The following SLC45A1 variants were observed in gnomAD, a reference collection of about 807,000 sequenced individuals.
SLC45A1 encodes proton-associated sugar transporter A.
A neutral mutation model predicts 57.6 loss-of-function variants in SLC45A1; 28 were observed. That is an observed-to-expected ratio of 0.49 (90% confidence interval 0.36 to 0.67). SLC45A1 has a LOEUF of 0.67. Ranked by LOEUF, SLC45A1 falls within the 30% of genes least tolerant of loss-of-function variation. SLC45A1 has a pLI of 0.00. For missense variants in SLC45A1, 814 were observed against 1,041.5 expected, an observed-to-expected ratio of 0.78 and a Z score of 3.01; for synonymous variants, 459 against 471.5, an observed-to-expected ratio of 0.97 and a Z score of 0.34.
In SLC45A1 at chr1:8,337,956, ATG is replaced by A. The variant is rs760652759; in HGVS notation, c.1742_1743del (p.Cys581TyrfsTer78). 6.2e-7 allele frequency: 1 copy of A among 1,614,054 alleles called. No homozygotes were observed. Among genetic ancestry groups the A allele is most frequent in the African/African-American group, 1.3e-5 (1 of 74,930 alleles). ...CGGCGTGACCATGGGCTGCTGGGGCATGTGTATCTACGCCTTCAGTGCTGCCT... is the reference window on the plus strand; with the variant it reads ...CGGCGTGACCATGGGCTGCTGGGGCATGTATCTACGCCTTCAGTGCTGCCT... ...NSGVTMGCWG[M>X]CIYAFSAAFY... On this transcript the variant is annotated frameshift_variant, in exon 7 of 9. Coordinates refer to ENST00000471889, the MANE Select transcript of SLC45A1 (RefSeq NM_001080397.3). LOFTEE classifies it high-confidence loss of function.
chr1:8,319,002 C>G (rs1483051573), intron 1 of SLC45A1, among the ~76,000 whole-genome samples: 1 of 152,184 alleles, frequency 6.6e-6, no homozygotes, highest in Non-Finnish European at 1.5e-5. Context: ...CATGAGGGGT[C>G]GGGCGCGGTG....
chr1:8,337,661 G>A (rs1160986070), intron 6 of SLC45A1, among the ~76,000 whole-genome samples, 155 bp from the exon 7 acceptor site: 8 of 152,072 alleles, frequency 5.3e-5, no homozygotes, highest in African/African-American at 9.7e-5. Context: ...CCTGTGATCC[G>A]CCCGCCTCAG....
At chr1:8,329,606 C>T (rs993912147) in intron 4 of SLC45A1, among the ~76,000 whole-genome samples, 1 of 152,230 alleles carries the variant, frequency 6.6e-6, no homozygotes, top group Non-Finnish European at 1.5e-5. Flanking sequence ...CTGGGCTGGC[C>T]GGTGCCCCGA....
chr1:8,330,193 C>T lies in SLC45A1; in HGVS notation c.716-16C>T, dbSNP rs1640339441. On this transcript the variant is annotated splice_polypyrimidine_tract_variant and intron_variant, in intron 4 of 8. Transcript: ENST00000471889. This position sits in a 1 kb window ranked among gnomAD's most constrained non-coding sequence, Gnocchi z 8.4. ...CCTCCCGCAGAAGGGAACTCAAACCCTGTCTCTTTCCCCAGGTCTCGGAGG... is the reference window on the plus strand; with the variant it reads ...CCTCCCGCAGAAGGGAACTCAAACCTTGTCTCTTTCCCCAGGTCTCGGAGG... 6.2e-7 allele frequency: 1 copy of T among 1,608,960 alleles called. No homozygotes were observed. Among genetic ancestry groups the T allele is most frequent in the East Asian group, 2.2e-5 (1 of 44,790 alleles).
chr1:8,337,757 A>C, intron 6 of SLC45A1, 59 bp from the exon 7 acceptor site: 1 of 1,503,182 alleles, frequency 6.7e-7, no homozygotes, highest in South Asian at 1.2e-5. Flanking sequence ...TGTTGGTTAG[A>C]GAAAGGGCAG....
At chr1:8,338,096 C>A (rs758147937) in intron 7 of SLC45A1, 104 bp downstream of exon 7, 1 of 1,079,792 alleles carries the variant, frequency 9.3e-7, no homozygotes, top group Non-Finnish European at 1.3e-6. Context: ...GCAGACACCA[C>A]ATCCCAATTT....
chr1:8,322,304 A>G (rs61785827), intron 1 of SLC45A1, among the ~76,000 whole-genome samples: 26 of 28 alleles, frequency 0.93, 12 homozygotes, highest in Non-Finnish European at 0.94. Context: ...GGATGGATGG[A>G]TGGATGGATG....
In SLC45A1 at chr1:8,324,600, G is replaced by A. The variant is rs771438280; in HGVS notation, c.271G>A (p.Gly91Ser). The A allele has an allele frequency of 3.2e-5, 52 of 1,609,318 alleles. No individual in the cohort carries two copies. Among genetic ancestry groups the A allele is most frequent in the Non-Finnish European group, 3.6e-5 (42 of 1,178,706 alleles). ...QRSFRELLFN[G>S]CILFGIEFSY... ...GTCCTTCCGGGAGCTGCTTTTCAAC[G>A]GCTGCATTCTCTTTGGCATCGAGTT... Residue 91 changes from glycine to serine, a missense_variant, in exon 2 of 9, where the codon GGC (glycine) becomes AGC (serine). Physicochemically the swap from Gly to Ser is moderately conservative, Grantham distance 56 (BLOSUM62 0). Coordinates refer to ENST00000471889, the MANE Select transcript of SLC45A1 (RefSeq NM_001080397.3).
At chr1:8,320,473 T>C (rs940722813) in intron 1 of SLC45A1, among the ~76,000 whole-genome samples, 5 of 152,050 alleles carry the variant, frequency 3.3e-5, no homozygotes, top group African/African-American at 1.2e-4. Flanking sequence ...CGAAACCCCA[T>C]CTCTACAAAA....
At position 8,325,214 on chromosome 1, in the gene SLC45A1, G is replaced by C. The variant is rs1283191636; in HGVS notation, c.398-84G>C. ...ATGCACTGGGGGTGTTTGAGAGCAG[G>C]CACTTCAGGAATGTGGAGGCTGATT... On this transcript the variant is annotated intron_variant, in intron 2 of 8. Transcript: ENST00000471889. This position sits in a 1 kb window ranked among gnomAD's most constrained non-coding sequence, Gnocchi z 6.3. The C allele has an allele frequency of 1.3e-5, 11 of 824,864 alleles. No individual in the cohort carries two copies. The Middle Eastern group carries it at 9.1e-4, about 68-fold the overall frequency. The allele number at this position is 824,864 out of a possible 1,614,324, so 51.1% of individuals were successfully genotyped here.
In SLC45A1 at chr1:8,344,058, C is replaced by T. The variant is rs755012935; in HGVS notation, c.*45C>T. ...CGGACACGCGCCTGCACCTGGGGGT[C>T]TGGAGCAGGCCGACCAGTGAGGACC... On this transcript the variant is annotated 3_prime_UTR_variant, in exon 9 of 9. Coordinates refer to ENST00000471889, the MANE Select transcript of SLC45A1 (RefSeq NM_001080397.3). 4 of 1,559,570 alleles carry T rather than the reference C, an allele frequency of 2.6e-6. No homozygotes were observed. Among genetic ancestry groups the T allele is most frequent in the Non-Finnish European group, 3.5e-6 (4 of 1,151,002 alleles).
At chr1:8,322,198 A>G (rs975888511) in intron 1 of SLC45A1, among the ~76,000 whole-genome samples, 436 of 23,864 alleles carry the variant, frequency 0.018, no homozygotes, top group African/African-American at 0.022. Flanking sequence ...TGGATGGATG[A>G]GTGGGTGGAT....
intron 1 of SLC45A1, among the ~76,000 whole-genome samples, chr1:8,322,038 G>C (rs1347758475): frequency 8.2e-6 from 1 of 121,412 alleles, no homozygotes; most frequent in Non-Finnish European, 1.8e-5. Context: ...TGGGTGAGTG[G>C]GTGGGTGGGT....
intron 1 of SLC45A1, among the ~76,000 whole-genome samples, chr1:8,320,690 TCTACACAC>T (rs200044258): frequency 0.032 from 4,204 of 130,136 alleles, 70 homozygotes; most frequent in Non-Finnish European, 0.039. Context: ...TCTCTCTCTC[TCTACACAC>T]ACACACACAC....
In SLC45A1 at chr1:8,343,719, C is replaced by A. The variant is rs771593140; in HGVS notation, c.1981-28C>A. The A allele has an allele frequency of 1.3e-6, 2 of 1,592,294 alleles. No homozygotes were observed. The highest frequency in any genetic ancestry group is 1.7e-6 in the Non-Finnish European group (2 of 1,164,558). On this transcript the variant is annotated intron_variant, in intron 8 of 8. Transcript: ENST00000471889. The surrounding 1 kb of genome is among the most constrained non-coding windows in gnomAD (Gnocchi z 7.7). ...ACCCCGTGCTGGCCGCGGCGTGTCT[C>A]GCTGACACGTTTCTTCCTCTGGGTC...
At position 8,343,846 on chromosome 1, in the gene SLC45A1, G is replaced by C. The variant is rs145801852; in HGVS notation, c.2080G>C (p.Val694Leu). ...CCTGGCTCAGATTCTGGTCTCCCTG[G>C]TCCTGGGGCCCCTGACCTCGGCCGT... is the stretch of plus-strand genomic sequence containing the variant. ...YFLAQILVSL[V>L]LGPLTSAVGS... is the part of the protein sequence containing the mutation. The change falls in exon 9 of 9, where the codon GTC becomes CTC. Residue 694 changes from valine to leucine, a missense_variant. Physicochemically the swap from Val to Leu is conservative, Grantham distance 32. Transcript: ENST00000471889. This position sits in a 1 kb window ranked among gnomAD's most constrained non-coding sequence, Gnocchi z 7.7. 1,511 of 1,614,128 alleles carry C rather than the reference G, an allele frequency of 9.4e-4. No homozygotes were observed. The highest frequency in any genetic ancestry group is 1.5e-3 in the Admixed American group (92 of 60,024).
Position 8,343,777 on chromosome 1 carries a change from C to A in SLC45A1, c.2011C>A (p.Arg671=), listed in dbSNP as rs769546906. ...FAGSSADGTR[R]GMGVDISLLS... is the part of the protein sequence containing the mutation. ...AGGGTCCAGTGCGGACGGCACCCGG[C>A]GGGGCATGGGCGTGGACATCTCTCT... Residue 671 remains arginine (R), a synonymous_variant, in exon 9 of 9, where the codon CGG becomes AGG. Transcript: ENST00000471889. The surrounding 1 kb of genome is among the most constrained non-coding windows in gnomAD (Gnocchi z 7.7). 2 of 1,613,602 alleles carry A rather than the reference C, an allele frequency of 1.2e-6. No individual in the cohort carries two copies. The highest frequency in any genetic ancestry group is 4.5e-5 in the East Asian group (2 of 44,866).
intron 4 of SLC45A1, among the ~76,000 whole-genome samples, chr1:8,329,468 G>A (rs959791186): frequency 2.0e-5 from 3 of 152,238 alleles, no homozygotes; most frequent in Admixed American, 1.3e-4. Flanking sequence ...AGCTTCCCTG[G>A]CTCTTGCCAT....
Position 8,337,879 on chromosome 1 carries a change from AGG to A in SLC45A1, c.1665_1666del (p.Asp556ProfsTer103). 2 of 1,614,220 alleles carry A rather than the reference AGG, an allele frequency of 1.2e-6. No homozygotes were observed. Among genetic ancestry groups the A allele is most frequent in the Non-Finnish European group, 1.7e-6 (2 of 1,180,030 alleles). ...GACTTCATGGGCGAGGTGGTGTTTC[AGG>A]GGGACCCCAAGGCCCCGCACACATC... On this transcript the variant is annotated frameshift_variant, in exon 7 of 9. Transcript: ENST00000471889. LOFTEE classifies it high-confidence loss of function.
Sources: gnomAD v4.1 joint callset for allele counts (sites outside exome capture counted in the v4.1 genomes callset) on GRCh38, gnomAD v4.1.1 for gene constraint, Gnocchi (gnomAD v3.1) non-coding constraint, MANE v1.5 for transcripts, NCBI Gene and HGNC (gene_info 2026-07-23, HGNC 2026-07-21) for gene names.